The following ANKS1B variants were observed in gnomAD, a reference collection of about 807,000 sequenced individuals.
ANKS1B encodes ankyrin repeat and sterile alpha motif domain-containing protein 1B.
In ANKS1B, 36 loss-of-function variants were observed where a neutral mutation model predicts 148.3. That is an observed-to-expected ratio of 0.24 (90% CI 0.19 to 0.32). ANKS1B has a LOEUF of 0.32. ANKS1B is among the 10% of genes least tolerant of loss of function. The probability of loss-of-function intolerance (pLI) is 1.00; values close to 1 mark genes in which losing one functional copy is unlikely to be tolerated. For missense variants in ANKS1B, 1,157 were observed against 1,542.6 expected (o/e 0.75, Z 4.19); for synonymous variants, 542 against 560.8 (o/e 0.97, Z 0.47).
rs1456914187 is a variant in ANKS1B, at chr12:98,798,969, T to TC, written c.3306dup (p.Thr1103AspfsTer14). The TC allele has an allele frequency of 6.2e-7, 1 of 1,609,616 alleles. No individual in the cohort carries two copies. ...GCACAAGCATCTTGGGTTGATTCTG[T>TC]CCCCCTAAGCTCTTTTATCAGCATA... On this transcript the variant is annotated frameshift_variant, in exon 22 of 27. Transcript: ENST00000683438. LOFTEE classifies it high-confidence loss of function.
In ANKS1B at chr12:99,827,127, C is replaced by CA. The variant is rs1338974530; in HGVS notation, c.135-1739dup. Among the ~76,000 whole-genome samples, 17 of 149,370 alleles carry CA rather than the reference C, an allele frequency of 1.1e-4. No homozygotes were observed. In the East Asian group the frequency reaches 2.6e-3, roughly 22 times the overall value. The stretch of plus-strand genomic sequence containing the variant: ...GAGCAAGACCCTGCCACCCCCACAA[C>CA]AAAAAAAAGAAAGAAAGAAAAATGG... On this transcript the variant is annotated intron_variant, in intron 1 of 26. Transcript: ENST00000683438.
chr12:99,767,207 G>T (rs1601728438), intron 8 of ANKS1B, among the ~76,000 whole-genome samples: 1 of 151,872 alleles, frequency 6.6e-6, no homozygotes, highest in Non-Finnish European at 1.5e-5. Flanking sequence ...CATTGGAAAA[G>T]AAAGTAAAAT....
At chr12:99,959,741 C>A (rs1052864694) in intron 1 of ANKS1B, among the ~76,000 whole-genome samples, 3 of 152,132 alleles carry the variant, frequency 2.0e-5, no homozygotes, top group African/African-American at 7.2e-5. Flanking sequence ...AAACATTAGT[C>A]ATAGTTGACA....
intron 15 of ANKS1B, among the ~76,000 whole-genome samples, chr12:99,147,153 T>G (rs1218473946): frequency 1.3e-5 from 2 of 152,104 alleles, no homozygotes; most frequent in African/African-American, 2.4e-5. Context: ...AAAGAGGTAA[T>G]GTACCCCTGT....
chr12:99,959,418 C>T (rs2095376269), intron 1 of ANKS1B, among the ~76,000 whole-genome samples: 1 of 151,762 alleles, frequency 6.6e-6, no homozygotes, highest in African/African-American at 2.4e-5. Flanking sequence ...ATTTAGACTT[C>T]TCTCCCAACT....
chr12:99,480,687 T>C (rs10860444), intron 10 of ANKS1B, among the ~76,000 whole-genome samples: 78,135 of 151,604 alleles, frequency 0.52, 21,215 homozygotes, highest in African/African-American at 0.7. Context: ...ATGTTCTTAA[T>C]AAGTTACATA....
intron 17 of ANKS1B, among the ~76,000 whole-genome samples, chr12:98,862,268 C>A (rs1040521224): frequency 6.6e-6 from 1 of 152,126 alleles, no homozygotes; most frequent in African/African-American, 2.4e-5. Context: ...CAGAACCCAG[C>A]CTACCACTTC....
chr12:99,038,060 G>A (rs1255410665), intron 17 of ANKS1B, among the ~76,000 whole-genome samples: 1 of 152,082 alleles, frequency 6.6e-6, no homozygotes, highest in Non-Finnish European at 1.5e-5. Flanking sequence ...CTTTACATGG[G>A]GTACAGAGCG....
intron 17 of ANKS1B, among the ~76,000 whole-genome samples, chr12:98,875,690 G>C (rs1015416610): frequency 2.0e-5 from 3 of 152,096 alleles, no homozygotes; most frequent in African/African-American, 7.2e-5. Flanking sequence ...TATGTTGCTA[G>C]CCTGGGACAC....
intron 25 of ANKS1B, among the ~76,000 whole-genome samples, chr12:98,771,897 C>T (rs952397813): frequency 3.9e-5 from 6 of 152,188 alleles, no homozygotes; most frequent in African/African-American, 1.4e-4. Context: ...GAGGCAAACA[C>T]ACCTATTATG....
intron 9 of ANKS1B, among the ~76,000 whole-genome samples, chr12:99,601,456 T>A (rs1474726879): frequency 6.6e-6 from 1 of 152,108 alleles, no homozygotes; most frequent in Non-Finnish European, 1.5e-5. Flanking sequence ...ATCTGATTAT[T>A]TTAATGTATC....
At chr12:99,486,570 A>C (rs1190393963) in intron 10 of ANKS1B, among the ~76,000 whole-genome samples, 1 of 152,014 alleles carries the variant, frequency 6.6e-6, no homozygotes, top group Non-Finnish European at 1.5e-5. Context: ...CTTGACAGGA[A>C]CCAGCTGTGG....
intron 15 of ANKS1B, among the ~76,000 whole-genome samples, chr12:99,128,623 A>G (rs1272584402): frequency 3.3e-5 from 5 of 152,112 alleles, no homozygotes; most frequent in Non-Finnish European, 5.9e-5. Context: ...ATTCCTCTCA[A>G]ATTGGTTGAA....
chr12:99,313,830 T>C (rs73383322), intron 12 of ANKS1B, among the ~76,000 whole-genome samples: 6,046 of 152,248 alleles, frequency 0.04, 376 homozygotes, highest in African/African-American at 0.13. Context: ...GGGCAAAAGC[T>C]GGAAGCATTC....
intron 14 of ANKS1B, among the ~76,000 whole-genome samples, chr12:99,216,103 A>G (rs2084131550): frequency 6.6e-6 from 1 of 152,170 alleles, no homozygotes; most frequent in South Asian, 2.1e-4. Flanking sequence ...ATGGTTTTAT[A>G]AAGGGCAGTT....
intron 12 of ANKS1B, among the ~76,000 whole-genome samples, chr12:99,257,400 A>G (rs903034615): frequency 2.0e-5 from 3 of 152,030 alleles, no homozygotes; most frequent in Admixed American, 6.5e-5. Flanking sequence ...TCAGTTCATC[A>G]ATTTTCTCTT....
intron 8 of ANKS1B, 59 bp downstream of exon 8, chr12:99,772,863 G>A: frequency 6.6e-7 from 1 of 1,520,292 alleles, no homozygotes; most frequent in Non-Finnish European, 8.9e-7. Flanking sequence ...CCTCTTAAGT[G>A]TACACACTGA....
intron 17 of ANKS1B, among the ~76,000 whole-genome samples, chr12:98,868,275 C>T (rs1487238934): frequency 2.0e-5 from 3 of 150,754 alleles, no homozygotes; most frequent in East Asian, 3.9e-4. Context: ...GCGCATGGAA[C>T]GGGAACACTG....
At chr12:98,889,012 G>C (rs2099746423) in intron 17 of ANKS1B, among the ~76,000 whole-genome samples, 1 of 152,222 alleles carries the variant, frequency 6.6e-6, no homozygotes, top group Non-Finnish European at 1.5e-5. Context: ...GATACACACA[G>C]AGATTGTTTC....
Sources: gnomAD v4.1 joint callset for allele counts (sites outside exome capture counted in the v4.1 genomes callset) on GRCh38, gnomAD v4.1.1 for gene constraint, MANE v1.5 for transcripts, NCBI Gene and HGNC (gene_info 2026-07-23, HGNC 2026-07-21) for gene names.